BTNL8: variants seen among roughly 807,000 people sequenced by gnomAD.
BTNL8 encodes butyrophilin-like protein 8.
In BTNL8, 22 loss-of-function variants were observed where a neutral mutation model predicts 36.1. That is an observed-to-expected ratio of 0.61 (90% CI 0.44 to 0.87). The LOEUF (loss-of-function observed/expected upper bound fraction) is 0.87. Among genes scored for constraint, BTNL8 ranks in the 40% least tolerant of loss-of-function variants. The pLI is 0.00. For missense variants in BTNL8, 526 were observed against 616.9 expected (o/e 0.85, Z 1.56); for synonymous variants, 203 against 235.6 (o/e 0.86, Z 1.27).
chr5:180,949,762 G>A, intron 7 of BTNL8, 142 bp from the exon 8 acceptor site: 2 of 1,047,348 alleles, frequency 1.9e-6, no homozygotes, highest in Non-Finnish European at 1.4e-6. Flanking sequence ...GGACCTGAAA[G>A]GCAGTGTCTG....
intron 3 of BTNL8, among the ~76,000 whole-genome samples, chr5:180,923,230 A>G (rs1041505824): frequency 1.1e-4 from 17 of 152,268 alleles, no homozygotes; most frequent in African/African-American, 2.6e-4. Context: ...CATAAATGTA[A>G]AATTCCAATT....
rs962654828 is a variant in BTNL8 at position 180,940,934 on chromosome 5, C to G, written c.674-6578C>G. ...AAAACAACAATAACAACAAAAAAAA[C>G]CCATAAAAATTAGCTGGGCTTGGTG... On this transcript the variant is annotated intron_variant, in intron 3 of 7. Coordinates refer to ENST00000340184, the MANE Select transcript of BTNL8 (RefSeq NM_001040462.3). Among the ~76,000 whole-genome samples the G allele has an allele frequency of 2.6e-5, 4 of 151,922 alleles. No homozygotes were observed. The South Asian group carries it at 8.3e-4, about 32-fold the overall frequency.
rs1360170586 is a variant in BTNL8, at chr5:180,935,678, C to T, written c.674-11834C>T. Among the ~76,000 whole-genome samples, 2 of 152,174 alleles carry T rather than the reference C, an allele frequency of 1.3e-5. No homozygotes were observed. The highest frequency in any genetic ancestry group is 4.8e-5 in the African/African-American group (2 of 41,452). On this transcript the variant is annotated intron_variant, in intron 3 of 7. Coordinates refer to ENST00000340184, the MANE Select transcript of BTNL8 (RefSeq NM_001040462.3). The surrounding 1 kb of genome is among the most constrained non-coding windows in gnomAD (Gnocchi z 4.8). ...GTGACTGCAGTTGTGCCCCAGAGCA[C>T]AGGACTCCTGCCCCGTGGACTTGGT...
intron 3 of BTNL8, among the ~76,000 whole-genome samples, chr5:180,928,444 G>A (rs1758206325): frequency 1.3e-5 from 2 of 152,100 alleles, no homozygotes; most frequent in African/African-American, 4.8e-5. Flanking sequence ...ATAATGACAG[G>A]ATCAAATTCA....
rs1759461525 is a variant in BTNL8, at chr5:180,949,831, G to A, written c.863-73G>A. The A allele has an allele frequency of 3.0e-5, 42 of 1,400,300 alleles. 11 individuals carry two copies. The highest frequency in any genetic ancestry group is 4.1e-5 in the Non-Finnish European group (42 of 1,021,474). The allele number at this position is 1,400,300 out of a possible 1,614,324, so 86.7% of individuals were successfully genotyped here. ...ACCCAGAGCCAGTCTGCAGTGGGAG[G>A]GTCGACCTCTTGCTCCAGCCCAGAT... On this transcript the variant is annotated intron_variant, in intron 7 of 7. Transcript: ENST00000340184.
Position 180,949,566 on chromosome 5 carries a change from G to A in BTNL8, c.862+301G>A, listed in dbSNP as rs1303403816. ...AGGGGTCTGAGCTGAGGGGAAGGAA[G>A]TAAAGTCAGGCAGAAAATTCTGAGT... On this transcript the variant is annotated intron_variant, in intron 7 of 7. Coordinates refer to ENST00000340184, the MANE Select transcript of BTNL8 (RefSeq NM_001040462.3). 5.6e-6 allele frequency: 3 copies of A among 533,004 alleles called. 1 individual carries two copies. The highest frequency in any genetic ancestry group is 9.8e-6 in the Non-Finnish European group (3 of 305,886). The allele number at this position is 533,004 out of a possible 1,614,324, so 33.0% of individuals were successfully genotyped here.
In BTNL8 at chr5:180,899,355, A is replaced by T. The variant is rs1232037330; in HGVS notation, c.45A>T (p.Gly15=). The T allele has an allele frequency of 6.2e-7, 1 of 1,613,760 alleles. No individual in the cohort carries two copies. Among genetic ancestry groups the T allele is most frequent in the Non-Finnish European group, 8.5e-7 (1 of 1,179,648 alleles). The change falls in exon 1 of 8, where the codon GGA becomes GGT. Residue 15 remains glycine (G), a synonymous_variant. Coordinates refer to ENST00000340184, the MANE Select transcript of BTNL8 (RefSeq NM_001040462.3). Reference sequence around the variant, plus strand: ...TGGTTCTGAGTCTCCTCAAGCTGGGATCAGGTAAGACTCATCTTTGTTTCC... The same window carrying T: ...TGGTTCTGAGTCTCCTCAAGCTGGGTTCAGGTAAGACTCATCTTTGTTTCC... ...LSLVLSLLKL[G]SGQWQVFGPD...
chr5:180,932,790 ACC>A (rs1758459707), intron 3 of BTNL8, among the ~76,000 whole-genome samples: 1 of 152,198 alleles, frequency 6.6e-6, no homozygotes, highest in Non-Finnish European at 1.5e-5. Context: ...GATCTACAAA[ACC>A]AACATAAAAC....
chr5:180,943,128 G>A (rs1759062452), intron 3 of BTNL8, among the ~76,000 whole-genome samples: 2 of 126,324 alleles, frequency 1.6e-5, no homozygotes, highest in South Asian at 5.0e-4. Flanking sequence ...AGGGAAGATA[G>A]ACTTTTTTTT....
At chr5:180,941,217 T>C (rs1270157191) in intron 3 of BTNL8, among the ~76,000 whole-genome samples, 1 of 151,984 alleles carries the variant, frequency 6.6e-6, no homozygotes, top group African/African-American at 2.4e-5. Flanking sequence ...GATAAACTCA[T>C]AAACACATGG....
chr5:180,940,974 C>A (rs1385156450), intron 3 of BTNL8, among the ~76,000 whole-genome samples: 1 of 151,828 alleles, frequency 6.6e-6, no homozygotes, highest in East Asian at 1.9e-4. Flanking sequence ...GCACCTGTAG[C>A]CCCAACTACT....
chr5:180,927,711 C>A (rs1253851520), intron 3 of BTNL8, among the ~76,000 whole-genome samples: 3 of 151,952 alleles, frequency 2.0e-5, no homozygotes, highest in African/African-American at 7.3e-5. Flanking sequence ...CCAAATCGAT[C>A]AAGTGGAAGA....
At chr5:180,944,527 G>A (rs1014220976) in intron 3 of BTNL8, among the ~76,000 whole-genome samples, 2 of 152,152 alleles carry the variant, frequency 1.3e-5, no homozygotes, top group Admixed American at 1.3e-4. Flanking sequence ...AAGGGTAGAG[G>A]GATTGCAGGG....
intron 3 of BTNL8, among the ~76,000 whole-genome samples, chr5:180,943,549 T>C (rs1759089453): frequency 6.6e-6 from 1 of 152,154 alleles, no homozygotes; most frequent in Non-Finnish European, 1.5e-5. Flanking sequence ...TACAATGAGA[T>C]AAAACATTAC....
chr5:180,926,367 G>A (rs999256240), intron 3 of BTNL8, among the ~76,000 whole-genome samples: 4 of 152,182 alleles, frequency 2.6e-5, no homozygotes, highest in African/African-American at 9.7e-5. Flanking sequence ...ACACCACCCG[G>A]GCCCTGGGTT....
chr5:180,911,411 C>T lies in BTNL8; in HGVS notation c.470C>T (p.Ser157Leu), dbSNP rs148011374. Residue 157 changes from serine (S) to leucine (L), a missense_variant, in exon 3 of 8, where the codon TCG becomes TTG. Coordinates refer to ENST00000340184, the MANE Select transcript of BTNL8 (RefSeq NM_001040462.3). ...GACATCCAGCTACTCTGTCAGTCCT[C>T]GGGCTGGTTCCCCCGGCCCACAGCG... ...DRDIQLLCQSSGWFPRPTAKW... is the reference protein window; with the variant it reads ...DRDIQLLCQSLGWFPRPTAKW... 28 of 1,614,066 alleles carry T rather than the reference C, an allele frequency of 1.7e-5. No individual in the cohort carries two copies. Among genetic ancestry groups the T allele is most frequent in the African/African-American group, 1.2e-4 (9 of 74,924 alleles).
chr5:180,907,540 A>G (rs1157575552), intron 1 of BTNL8, among the ~76,000 whole-genome samples: 10 of 147,826 alleles, frequency 6.8e-5, no homozygotes, highest in Non-Finnish European at 8.9e-5. Flanking sequence ...GTCATTCTCC[A>G]TCCAGCTTTG....
At chr5:180,926,365 C>G (rs754145448) in intron 3 of BTNL8, among the ~76,000 whole-genome samples, 1 of 152,180 alleles carries the variant, frequency 6.6e-6, no homozygotes, top group South Asian at 2.1e-4. Context: ...CTACACCACC[C>G]GGGCCCTGGG....
chr5:180,938,683 A>T (rs1310378401), intron 3 of BTNL8, among the ~76,000 whole-genome samples: 1 of 151,804 alleles, frequency 6.6e-6, no homozygotes, highest in Non-Finnish European at 1.5e-5. Context: ...GATTACAGGC[A>T]CGCACCACCA....
Sources: gnomAD v4.1 joint callset for allele counts (sites outside exome capture counted in the v4.1 genomes callset) on GRCh38, gnomAD v4.1.1 for gene constraint, Gnocchi (gnomAD v3.1) non-coding constraint, MANE v1.5 for transcripts, NCBI Gene and HGNC (gene_info 2026-07-23, HGNC 2026-07-21) for gene names.